Variants in TENM2 observed in about 807,000 individuals in gnomAD.
TENM2 encodes the protein teneurin-2.
TENM2 carries 52 observed loss-of-function variants against 245.2 expected under a neutral mutation model. The observed-to-expected ratio is 0.21, with a 90% CI of 0.17 to 0.27. The LOEUF is 0.27. Among genes scored for constraint, TENM2 ranks in the 10% least tolerant of loss-of-function variants. TENM2 has a pLI of 1.00. For missense variants in TENM2, 3,046 were observed against 3,666.8 expected (o/e 0.83, Z 4.37); for synonymous variants, 1,363 against 1,438.9 (o/e 0.95, Z 1.19).
chr5:167,522,405 G>C (rs899046281), intron 2 of TENM2, among the ~76,000 whole-genome samples: 1 of 152,088 alleles, frequency 6.6e-6, no homozygotes, highest in Non-Finnish European at 1.5e-5. Flanking sequence ...GATGAGATGT[G>C]AAATGAGTAA....
chr5:167,982,079 AC>A (rs1399127083), intron 4 of TENM2, among the ~76,000 whole-genome samples: 1 of 152,120 alleles, frequency 6.6e-6, no homozygotes, highest in Non-Finnish European at 1.5e-5. Flanking sequence ...CTGGCCCGGA[AC>A]ACACTGCCCT....
intron 1 of TENM2, among the ~76,000 whole-genome samples, chr5:167,357,869 C>A (rs1759446429): frequency 6.6e-6 from 1 of 152,132 alleles, no homozygotes; most frequent in South Asian, 2.1e-4. Flanking sequence ...CAATCAGAAA[C>A]GAATTTCGAA....
chr5:168,054,425 T>G (rs1789366946), intron 6 of TENM2, among the ~76,000 whole-genome samples: 1 of 152,250 alleles, frequency 6.6e-6, no homozygotes, highest in Admixed American at 6.5e-5. Context: ...CCCAAATAAA[T>G]GGAAACGAGG....
chr5:167,918,191 CTT>C (rs1226665857), intron 3 of TENM2, among the ~76,000 whole-genome samples: 1 of 152,104 alleles, frequency 6.6e-6, no homozygotes, highest in Non-Finnish European at 1.5e-5. Context: ...TTATATTTCT[CTT>C]TTTATGAAAG....
intron 2 of TENM2, among the ~76,000 whole-genome samples, chr5:167,383,075 G>A (rs1311097956): frequency 2.6e-5 from 4 of 152,032 alleles, no homozygotes; most frequent in African/African-American, 9.7e-5. Context: ...TGCATTGGAC[G>A]AAGCCATTGT....
At chr5:167,003,395 G>A in the TENM2 span, among the ~76,000 whole-genome samples, 1 of 152,118 alleles carries the variant, frequency 6.6e-6, no homozygotes, top group Non-Finnish European at 1.5e-5. Context: ...TGGGGGAAGG[G>A]CATTTTCATT....
At chr5:167,141,765 CTTTAT>C in the TENM2 span, among the ~76,000 whole-genome samples, 1 of 152,098 alleles carries the variant, frequency 6.6e-6, no homozygotes, top group African/African-American at 2.4e-5. Flanking sequence ...TTCAGCATTT[CTTTAT>C]ATTTATACTC....
intron 7 of TENM2, among the ~76,000 whole-genome samples, chr5:168,068,842 T>C (rs1051916619): frequency 1.4e-4 from 8 of 55,924 alleles, no homozygotes; most frequent in Non-Finnish European, 2.0e-4. Context: ...AATCTCTGTG[T>C]GTTTGTGTGT....
At chr5:167,844,609 G>A (rs780327111) in intron 2 of TENM2, among the ~76,000 whole-genome samples, 4 of 152,086 alleles carry the variant, frequency 2.6e-5, no homozygotes, top group Non-Finnish European at 5.9e-5. Context: ...GGGACAAAAG[G>A]GGAAGTGGTG....
At chr5:167,527,488 T>A (rs2127589647) in intron 2 of TENM2, among the ~76,000 whole-genome samples, 1 of 152,282 alleles carries the variant, frequency 6.6e-6, no homozygotes, top group Admixed American at 6.5e-5. Flanking sequence ...GTATTTACAC[T>A]GTTCCGTCTG....
In TENM2 at chr5:168,247,086, G is replaced by A. The variant is rs769499648; in HGVS notation, c.6147G>A (p.Leu2049=). Residue 2049 remains leucine, a synonymous_variant, in exon 27 of 29, where the codon TTG becomes TTA. Transcript: ENST00000518659. The surrounding 1 kb of genome is among the most constrained non-coding windows in gnomAD (Gnocchi z 7.8). ...GGTATGACGAGACCACTGGTGTCTTGAAGATGGTCAACCTCCAAAGTGGGG... is the reference window on the plus strand; with the variant it reads ...GGTATGACGAGACCACTGGTGTCTTAAAGATGGTCAACCTCCAAAGTGGGG... The A allele has an allele frequency of 6.2e-7, 1 of 1,613,832 alleles. No individual in the cohort carries two copies. The highest frequency in any genetic ancestry group is 1.3e-5 in the African/African-American group (1 of 74,912).
Position 167,846,009 on chromosome 5 carries a change from A to G in TENM2, c.503-29977A>G, listed in dbSNP as rs926349177. Among the ~76,000 whole-genome samples the G allele has an allele frequency of 2.6e-5, 4 of 152,132 alleles. No homozygotes were observed. In the East Asian group the frequency reaches 7.7e-4, roughly 29 times the overall value. Reference sequence around the variant, plus strand: ...CATCCTTCACCCCATCTTCTTCGCAATGCCCAACTCTAAAATCACCTTCTC... The same window carrying G: ...CATCCTTCACCCCATCTTCTTCGCAGTGCCCAACTCTAAAATCACCTTCTC... On this transcript the variant is annotated intron_variant, in intron 2 of 28. Transcript: ENST00000518659.
chr5:167,162,136 C>T, the TENM2 span, among the ~76,000 whole-genome samples: 3 of 150,250 alleles, frequency 2.0e-5, no homozygotes, highest in African/African-American at 4.9e-5. Context: ...CACACCACTG[C>T]ACTCCAGCCT....
intron 1 of TENM2, among the ~76,000 whole-genome samples, chr5:167,344,917 A>G (rs772955961): frequency 5.3e-5 from 8 of 152,142 alleles, no homozygotes; most frequent in Non-Finnish European, 8.8e-5. Context: ...TGAGCTTCCA[A>G]AATCAGCCTT....
chr5:167,841,737 A>G (rs1769534239), intron 2 of TENM2, among the ~76,000 whole-genome samples: 1 of 152,198 alleles, frequency 6.6e-6, no homozygotes, highest in Non-Finnish European at 1.5e-5. Context: ...AGTAGCCTTC[A>G]TAGACCTTTT....
chr5:167,099,329 A>G, the TENM2 span, among the ~76,000 whole-genome samples: 3 of 152,226 alleles, frequency 2.0e-5, no homozygotes, highest in Admixed American at 2.0e-4. Flanking sequence ...TCATTGTACT[A>G]GTAATAATTC....
intron 9 of TENM2, among the ~76,000 whole-genome samples, chr5:168,108,185 G>A (rs563221992): frequency 3.3e-4 from 50 of 152,302 alleles, no homozygotes; most frequent in African/African-American, 1.2e-3. Context: ...GAGGCATGGA[G>A]GGAGGGCATG....
rs189407218 is a variant in TENM2, at chr5:167,433,892, C to T, written c.502+58419C>T. Among the ~76,000 whole-genome samples the T allele has an allele frequency of 2.8e-3, 429 of 152,062 alleles. 1 individual carries two copies. Among genetic ancestry groups the T allele is most frequent in the African/African-American group, 9.6e-3 (398 of 41,486 alleles). On this transcript the variant is annotated intron_variant, in intron 2 of 28. Coordinates refer to ENST00000518659, the Ensembl canonical transcript of TENM2. ...CACAATATAGTTCAGATCTTTGAAC[C>T]ATCCAGGGTAAGTCAATATGATATT...
chr5:168,229,601 G>GAGTT (rs1419061310), intron 25 of TENM2: 1 of 150,206 alleles, frequency 6.7e-6, no homozygotes, highest in South Asian at 2.1e-4. Context: ...AACAAAGAAA[G>GAGTT]AGTTTATCAA....
Sources: gnomAD v4.1 joint callset for allele counts (sites outside exome capture counted in the v4.1 genomes callset) on GRCh38, gnomAD v4.1.1 for gene constraint, Gnocchi (gnomAD v3.1) non-coding constraint, MANE v1.5 for transcripts, NCBI Gene and HGNC (gene_info 2026-07-23, HGNC 2026-07-21) for gene names.